Variants in PARP8 observed in about 807,000 individuals in gnomAD.
PARP8 encodes protein mono-ADP-ribosyltransferase PARP8.
A neutral mutation model predicts 124.1 loss-of-function variants in PARP8; 51 were observed. The observed-to-expected ratio is 0.41, with a 90% confidence interval of 0.33 to 0.52. The LOEUF is 0.52. Among genes scored for constraint, PARP8 ranks in the 20% least tolerant of loss-of-function variants. The probability of loss-of-function intolerance (pLI) is 0.21; values close to 1 mark genes in which losing one functional copy is unlikely to be tolerated. For synonymous variants in PARP8, 391 were observed against 361.5 expected (o/e 1.08, Z -0.93); for missense variants, 860 against 1,018.9 (o/e 0.84, Z 2.12).
At chr5:50,820,214 C>A (rs1561428892) in intron 15 of PARP8, among the ~76,000 whole-genome samples, 1 of 152,160 alleles carries the variant, frequency 6.6e-6, no homozygotes, top group Non-Finnish European at 1.5e-5. Context: ...TCACAATACT[C>A]CTCTCTTAGA....
Position 50,844,434 on chromosome 5 carries a change from C to A in PARP8, c.*2366C>A, listed in dbSNP as rs1256877499. 2 of 151,706 alleles carry A rather than the reference C, an allele frequency of 1.3e-5. No homozygotes were observed. Among genetic ancestry groups the A allele is most frequent in the Admixed American group, 1.3e-4 (2 of 15,184 alleles). The allele number at this position is 151,706 out of a possible 1,614,324, so 9.4% of individuals were successfully genotyped here. ...TCTGTGTTTCTAAAGAATCTAATTT[C>A]AATTACTACCATTAACATATAAATG... On this transcript the variant is annotated 3_prime_UTR_variant, in exon 26 of 26. Transcript: ENST00000281631.
At chr5:50,782,737 C>CA (rs1280159093) in intron 9 of PARP8, among the ~76,000 whole-genome samples, 5 of 151,964 alleles carry the variant, frequency 3.3e-5, no homozygotes, top group Admixed American at 3.3e-4. Flanking sequence ...TGCCTGGGAC[C>CA]ACTCCTAATA....
chr5:50,793,842 T>A (rs3806889), intron 10 of PARP8, among the ~76,000 whole-genome samples: 38,152 of 151,814 alleles, frequency 0.25, 4,995 homozygotes, highest in South Asian at 0.37. Flanking sequence ...CCAAAAAAAA[T>A]TTAGATTTTT....
chr5:50,690,785 T>A (rs1157062306), intron 2 of PARP8, among the ~76,000 whole-genome samples: 1 of 152,190 alleles, frequency 6.6e-6, no homozygotes, highest in African/African-American at 2.4e-5. Context: ...AACCCTCATA[T>A]ATCAGACACT....
chr5:50,730,602 A>G (rs967693979), intron 2 of PARP8, among the ~76,000 whole-genome samples: 2 of 152,166 alleles, frequency 1.3e-5, no homozygotes, highest in South Asian at 2.1e-4. Flanking sequence ...TTGGTTGCGG[A>G]CACAGCCAAA....
intron 1 of PARP8, chr5:50,667,506 C>A (rs1008859199): frequency 1.4e-6 from 1 of 697,260 alleles, no homozygotes; most frequent in Non-Finnish European, 2.6e-6. Flanking sequence ...AAGCACGCTT[C>A]CTGGGTTCCA....
intron 2 of PARP8, among the ~76,000 whole-genome samples, chr5:50,715,315 A>C (rs1302717200): frequency 6.6e-6 from 1 of 152,120 alleles, no homozygotes; most frequent in East Asian, 1.9e-4. Flanking sequence ...ACTCTGTCAA[A>C]ATATGTGTGA....
intron 14 of PARP8, among the ~76,000 whole-genome samples, chr5:50,806,150 T>C (rs1743816078): frequency 6.6e-6 from 1 of 152,078 alleles, no homozygotes; most frequent in Non-Finnish European, 1.5e-5. Flanking sequence ...ATCCTCTTAA[T>C]AACTCTCTGA....
intron 3 of PARP8, among the ~76,000 whole-genome samples, chr5:50,751,859 C>T (rs1321998802): frequency 2.6e-5 from 4 of 152,004 alleles, no homozygotes; most frequent in Non-Finnish European, 5.9e-5. Context: ...AATGTTTTCC[C>T]CATTATTAAA....
At chr5:50,668,025 A>G in intron 1 of PARP8, 46 bp from the exon 2 acceptor site, 1 of 1,611,536 alleles carries the variant, frequency 6.2e-7, no homozygotes, top group South Asian at 1.1e-5. Context: ...CGGGGTTAAA[A>G]CAAATCCACT....
At chr5:50,668,366 A>G in intron 2 of PARP8, 3 of 541,706 alleles carry the variant, frequency 5.5e-6, no homozygotes, top group Non-Finnish European at 1.0e-5. Context: ...TTCATGTTGA[A>G]ACTGTTCTGC....
intron 2 of PARP8, among the ~76,000 whole-genome samples, chr5:50,742,454 T>C (rs1230725331): frequency 6.6e-6 from 1 of 152,196 alleles, no homozygotes; most frequent in Non-Finnish European, 1.5e-5. Context: ...TAATTCCTTC[T>C]TCCTGGGTAC....
intron 2 of PARP8, among the ~76,000 whole-genome samples, chr5:50,747,153 TGTTTGTTTTG>T (rs1758644838): frequency 1.0e-4 from 1 of 10,038 alleles, no homozygotes; most frequent in African/African-American, 2.1e-4. Flanking sequence ...TTTTTTTGTT[TGTTTGTTTTG>T]TTTTTTTTTT....
intron 2 of PARP8, among the ~76,000 whole-genome samples, chr5:50,741,355 A>G (rs1018745848): frequency 2.6e-5 from 4 of 152,250 alleles, no homozygotes; most frequent in Non-Finnish European, 4.4e-5. Flanking sequence ...AGAGAGAAGC[A>G]CAGCTTTATT....
chr5:50,804,024 T>G lies in PARP8; in HGVS notation c.1575+6791T>G, dbSNP rs146547866. On this transcript the variant is annotated intron_variant, in intron 14 of 25. Coordinates refer to ENST00000281631, the MANE Select transcript of PARP8 (RefSeq NM_024615.4). ...AGGTGAGATTTAAGGCCTTCTAAAG[T>G]CTTTCTTGAGCATGCACACAGTCAT... 3.5e-4 allele frequency among the ~76,000 whole-genome samples: 53 copies of G among 152,302 alleles called. 1 individual carries two copies. The East Asian group carries it at 7.7e-3, about 22-fold the overall frequency.
chr5:50,706,463 G>T (rs1343746100), intron 2 of PARP8, among the ~76,000 whole-genome samples: 1 of 151,830 alleles, frequency 6.6e-6, no homozygotes, highest in Non-Finnish European at 1.5e-5. Context: ...GCCTTTTGAT[G>T]GTAAACTTCT....
chr5:50,817,518 A>G (rs1435195184), intron 15 of PARP8, among the ~76,000 whole-genome samples: 3 of 152,208 alleles, frequency 2.0e-5, no homozygotes, highest in Non-Finnish European at 4.4e-5. Flanking sequence ...GGCTGCAAAG[A>G]CATTCCTCAG....
intron 14 of PARP8, among the ~76,000 whole-genome samples, chr5:50,805,781 C>G (rs965157204): frequency 6.6e-6 from 1 of 151,980 alleles, no homozygotes; most frequent in East Asian, 1.9e-4. Context: ...GGAAACAATC[C>G]GTGTACTATT....
intron 14 of PARP8, among the ~76,000 whole-genome samples, chr5:50,812,578 G>A (rs1744580704): frequency 6.6e-6 from 1 of 151,964 alleles, no homozygotes; most frequent in Non-Finnish European, 1.5e-5. Context: ...CTTTTGCTGT[G>A]CAGAAGCTCT....
Sources: gnomAD v4.1 joint callset for allele counts (sites outside exome capture counted in the v4.1 genomes callset) on GRCh38, gnomAD v4.1.1 for gene constraint, MANE v1.5 for transcripts, NCBI Gene and HGNC (gene_info 2026-07-23, HGNC 2026-07-21) for gene names.